The following ACSM6 variants were observed in gnomAD, a reference collection of about 807,000 sequenced individuals.
ACSM6 encodes acyl-coenzyme A synthetase ACSM6, mitochondrial.
ACSM6 carries 35 observed loss-of-function variants against 51.1 expected under a neutral mutation model. The observed-to-expected ratio is 0.69, with a 90% CI of 0.52 to 0.91. The LOEUF is 0.91. ACSM6 is among the 40% of genes least tolerant of loss of function. The pLI, the probability that ACSM6 is intolerant of heterozygous loss-of-function variation, is 0.00. For missense variants in ACSM6, 509 were observed against 584.1 expected, an observed-to-expected ratio of 0.87 and a Z score of 1.32; for synonymous variants, 172 against 207.3, an observed-to-expected ratio of 0.83 and a Z score of 1.46.
intron 3 of ACSM6, among the ~76,000 whole-genome samples, chr10:95,205,821 T>C (rs2034833882): frequency 6.6e-6 from 1 of 152,178 alleles, no homozygotes; most frequent in Non-Finnish European, 1.5e-5. Context: ...TCACCCACAA[T>C]TGCACGGTTT....
chr10:95,200,004 A>G (rs1340523445), intron 2 of ACSM6, among the ~76,000 whole-genome samples: 4 of 152,222 alleles, frequency 2.6e-5, no homozygotes, highest in Non-Finnish European at 5.9e-5. Context: ...ATTACTGGGT[A>G]TATACCCAAA....
intron 5 of ACSM6, among the ~76,000 whole-genome samples, chr10:95,211,218 C>T (rs2034890140): frequency 6.6e-6 from 1 of 152,202 alleles, no homozygotes; most frequent in African/African-American, 2.4e-5. Flanking sequence ...TGTCATCACA[C>T]CACCCCTTTT....
intron 9 of ACSM6, among the ~76,000 whole-genome samples, chr10:95,224,920 C>A (rs987927109): frequency 2.0e-5 from 3 of 152,166 alleles, no homozygotes; most frequent in African/African-American, 7.2e-5. Context: ...AAACTTTGTA[C>A]TAACCAGGCA....
Position 95,200,065 on chromosome 10 carries a change from A to T in ACSM6, c.193-1920A>T, listed in dbSNP as rs571591238. Among the ~76,000 whole-genome samples the T allele has an allele frequency of 2.7e-3, 413 of 152,292 alleles. 1 individual carries two copies. The highest frequency in any genetic ancestry group is 9.3e-3 in the African/African-American group (386 of 41,564). ...GACACATGCACATGTATGTTTATTG[A>T]GGCACTATTCACAATAGCAAAGACT... On this transcript the variant is annotated intron_variant, in intron 2 of 10. Transcript: ENST00000341686.
rs1309940277 is a variant in ACSM6, at chr10:95,214,960, T to A, written c.1104T>A (p.Tyr368Ter). The A allele has an allele frequency of 4.5e-6, 7 of 1,551,600 alleles. No homozygotes were observed. Among genetic ancestry groups the A allele is most frequent in the Non-Finnish European group, 6.1e-6 (7 of 1,146,908 alleles). The stretch of plus-strand genomic sequence containing the variant: ...CTAAGTTGGACATCTATGAAGGCTA[T>A]GGGCAGACGGAAACTGTAGGTTGAT... Residue 368 changes from tyrosine to a stop codon, truncating the protein, a stop_gained, in exon 8 of 11, where the codon TAT becomes TAA. Transcript: ENST00000341686. LOFTEE classifies it high-confidence loss of function.
intron 8 of ACSM6, among the ~76,000 whole-genome samples, chr10:95,217,153 T>A (rs1303224742): frequency 6.7e-6 from 1 of 150,180 alleles, no homozygotes; most frequent in Non-Finnish European, 1.5e-5. Context: ...ATTGAGACCA[T>A]CCTGGCCAAC....
Position 95,212,953 on chromosome 10 carries a change from C to T in ACSM6, c.995+13C>T. On this transcript the variant is annotated intron_variant, in intron 7 of 10. Coordinates refer to ENST00000341686, the Ensembl canonical transcript of ACSM6. The stretch of plus-strand genomic sequence containing the variant: ...AGTGTTTCACCAGGTAAGAGAGGAT[C>T]CCTCAGGAGAGAGTCCATTTCCACT... The T allele has an allele frequency of 1.3e-6, 2 of 1,590,052 alleles. No individual in the cohort carries two copies. Among genetic ancestry groups the T allele is most frequent in the Non-Finnish European group, 1.7e-6 (2 of 1,158,184 alleles).
chr10:95,226,283 G>C (rs915079357), intron 10 of ACSM6: 4 of 152,122 alleles, frequency 2.6e-5, no homozygotes, highest in Non-Finnish European at 4.4e-5. Flanking sequence ...TTAAAATAAA[G>C]AGTGGCTGGG....
rs1589494554 is a variant in ACSM6 at position 95,210,593 on chromosome 10, C to G, written c.612-57C>G. The G allele has an allele frequency of 1.2e-5, 19 of 1,553,636 alleles. No homozygotes were observed. In the East Asian group the frequency reaches 4.3e-4, roughly 35 times the overall value. On this transcript the variant is annotated intron_variant, in intron 4 of 10. Transcript: ENST00000341686. ...GAGATTACCAAACCCAGGGCCTAGG[C>G]ACTTAATCAGAGAACCTAAATTTAG...
chr10:95,216,059 G>C (rs1029128195), intron 8 of ACSM6, among the ~76,000 whole-genome samples: 3 of 152,210 alleles, frequency 2.0e-5, no homozygotes, highest in Admixed American at 6.5e-5. Context: ...CTCTCAAACA[G>C]TTGGGACTAC....
intron 2 of ACSM6, among the ~76,000 whole-genome samples, chr10:95,198,616 A>AT (rs2034759478): frequency 6.7e-6 from 1 of 150,132 alleles, no homozygotes; most frequent in Non-Finnish European, 1.5e-5. Flanking sequence ...ATGCCACTGC[A>AT]CTCCAGCCTG....
At position 95,212,109 on chromosome 10, in the gene ACSM6, T is replaced by G. The variant is rs2034899113; in HGVS notation, c.912+75T>G. 16 of 1,557,368 alleles carry G rather than the reference T, an allele frequency of 1.0e-5. No homozygotes were observed. The East Asian group carries it at 3.6e-4, about 35-fold the overall frequency. ...GCATTAGCAATGACCCAGTGACTCATGCCCAGAATGGGGCAAATCAAGAGT... is the reference window on the plus strand; with the variant it reads ...GCATTAGCAATGACCCAGTGACTCAGGCCCAGAATGGGGCAAATCAAGAGT... On this transcript the variant is annotated intron_variant, in intron 6 of 10. Coordinates refer to ENST00000341686, the Ensembl canonical transcript of ACSM6.
chr10:95,197,000 A>C (rs1390628497), intron 2 of ACSM6, among the ~76,000 whole-genome samples: 1 of 152,204 alleles, frequency 6.6e-6, no homozygotes, highest in South Asian at 2.1e-4. Context: ...CATTACCAGA[A>C]GTGAAATTAC....
chr10:95,219,496 T>G (rs686705), intron 8 of ACSM6, among the ~76,000 whole-genome samples: 24,498 of 152,248 alleles, frequency 0.16, 2,144 homozygotes, highest in Middle Eastern at 0.39. Flanking sequence ...CATGTTTTCT[T>G]GCTACCATTT....
chr10:95,219,950 A>AT lies in ACSM6; in HGVS notation c.1181dup (p.Leu394PhefsTer11). 3 of 1,612,948 alleles carry AT rather than the reference A, an allele frequency of 1.9e-6. No homozygotes were observed. In the South Asian group the frequency reaches 3.3e-5, roughly 18 times the overall value. On this transcript the variant is annotated frameshift_variant, in exon 9 of 11. Coordinates refer to ENST00000341686, the Ensembl canonical transcript of ACSM6. LOFTEE classifies it high-confidence loss of function. ...TGAAGCCAAGCTCTCTGGGGAAGCC[A>AT]TTGCCACCTTATATTGTCCAGGTAG...
At chr10:95,198,062 C>A (rs1052653192) in intron 2 of ACSM6, among the ~76,000 whole-genome samples, 8 of 152,174 alleles carry the variant, frequency 5.3e-5, no homozygotes, top group Non-Finnish European at 8.8e-5. Flanking sequence ...CAGGTTGGGT[C>A]AAAGTAGCTG....
At chr10:95,199,694 T>C (rs909246932) in intron 2 of ACSM6, among the ~76,000 whole-genome samples, 2 of 152,022 alleles carry the variant, frequency 1.3e-5, no homozygotes, top group South Asian at 2.1e-4. Flanking sequence ...GGGCAAAGGA[T>C]ATGAACAGAC....
chr10:95,202,814 C>A (rs1461092057), intron 3 of ACSM6, among the ~76,000 whole-genome samples: 1 of 151,840 alleles, frequency 6.6e-6, no homozygotes, highest in Non-Finnish European at 1.5e-5. Flanking sequence ...GTGGCACACA[C>A]CTGTAGTCCA....
chr10:95,214,954 A>AGG lies in ACSM6; in HGVS notation c.1099_1100dup (p.Tyr368AlafsTer17), dbSNP rs1397486137. The AGG allele has an allele frequency of 5.8e-6, 9 of 1,551,472 alleles. No homozygotes were observed. Among genetic ancestry groups the AGG allele is most frequent in the Non-Finnish European group, 7.8e-6 (9 of 1,146,912 alleles). On this transcript the variant is annotated frameshift_variant, in exon 8 of 11. Transcript: ENST00000341686. LOFTEE classifies it high-confidence loss of function. ...GCATCACTAAGTTGGACATCTATGA[A>AGG]GGCTATGGGCAGACGGAAACTGTAG...
Sources: gnomAD v4.1 joint callset for allele counts (sites outside exome capture counted in the v4.1 genomes callset) on GRCh38, gnomAD v4.1.1 for gene constraint, MANE v1.5 for transcripts, NCBI Gene and HGNC (gene_info 2026-07-23, HGNC 2026-07-21) for gene names.